SAE1: variants seen among roughly 807,000 people sequenced by gnomAD.
The protein encoded by SAE1 is SUMO1 activating enzyme subunit 1, also known as SUMO-activating enzyme subunit 1.
In SAE1, 11 loss-of-function variants were observed where a neutral mutation model predicts 40.6. The observed-to-expected ratio is 0.27, with a 90% CI of 0.17 to 0.45. The LOEUF (loss-of-function observed/expected upper bound fraction) is 0.45, where lower values mean the gene tolerates loss of function less well. Ranked by LOEUF, SAE1 falls within the 20% of genes least tolerant of loss-of-function variation. The probability of loss-of-function intolerance (pLI) is 1.00; values close to 1 mark genes in which losing one functional copy is unlikely to be tolerated. For synonymous variants in SAE1, 155 were observed against 154.3 expected (o/e 1.00, Z -0.03); for missense variants, 373 against 427.3 (o/e 0.87, Z 1.12).
Position 47,170,022 on chromosome 19 carries a change from G to C in SAE1, c.733+99G>C. On this transcript the variant is annotated intron_variant, in intron 6 of 8. Transcript: ENST00000270225. ...AGATGGTTTTGTGATGTTTGCCTTG[G>C]GTGGCATTCTTCATTGGCTAGTTCT... 1.1e-5 allele frequency: 10 copies of C among 875,382 alleles called. No homozygotes were observed. In the South Asian group the frequency reaches 1.4e-4, roughly 12 times the overall value. The allele number at this position is 875,382 out of a possible 1,614,324, so 54.2% of individuals were successfully genotyped here.
chr19:47,173,272 G>A (rs544642935), intron 6 of SAE1, among the ~76,000 whole-genome samples: 1 of 151,908 alleles, frequency 6.6e-6, no homozygotes. Context: ...GCTGGGATTA[G>A]AGGCGTGAGC....
chr19:47,183,112 C>T (rs534321651), intron 6 of SAE1, among the ~76,000 whole-genome samples: 79 of 152,224 alleles, frequency 5.2e-4, no homozygotes, highest in African/African-American at 1.8e-3. Context: ...GATGGGCTTT[C>T]ACCATGTTGG....
At chr19:47,197,670 T>TA (rs1252699242) in intron 7 of SAE1, among the ~76,000 whole-genome samples, 4 of 152,216 alleles carry the variant, frequency 2.6e-5, no homozygotes, top group Admixed American at 2.6e-4. Context: ...GTGATCTTGT[T>TA]ATCTCTTGGG....
At chr19:47,131,568 T>G (rs1419995294) in intron 1 of SAE1, among the ~76,000 whole-genome samples, 3 of 151,752 alleles carry the variant, frequency 2.0e-5, no homozygotes, top group Non-Finnish European at 2.9e-5. Flanking sequence ...ATGGGAATCT[T>G]GAGAGGCTCG....
At chr19:47,185,544 A>G (rs572984618) in intron 6 of SAE1, among the ~76,000 whole-genome samples, 1 of 152,012 alleles carries the variant, frequency 6.6e-6, no homozygotes, top group African/African-American at 2.4e-5. Context: ...GACCTCAAGT[A>G]ATCCTCCCAC....
chr19:47,156,650 C>G (rs1449270012), intron 5 of SAE1, among the ~76,000 whole-genome samples: 1 of 152,074 alleles, frequency 6.6e-6, no homozygotes, highest in Non-Finnish European at 1.5e-5. Flanking sequence ...TCCCAAGTAG[C>G]TGGGACTACA....
At chr19:47,167,883 T>C (rs910079884) in intron 5 of SAE1, among the ~76,000 whole-genome samples, 1 of 152,158 alleles carries the variant, frequency 6.6e-6, no homozygotes, top group African/African-American at 2.4e-5. Flanking sequence ...TTCTTAAGGG[T>C]AGCTAGTTCT....
chr19:47,197,020 A>C (rs1464241885), intron 6 of SAE1, among the ~76,000 whole-genome samples: 1 of 151,974 alleles, frequency 6.6e-6, no homozygotes, highest in Admixed American at 6.6e-5. Flanking sequence ...GTCTCTACTA[A>C]ATATACAAAA....
At chr19:47,135,595 C>A (rs2058173779) in intron 1 of SAE1, 1 of 152,066 alleles carries the variant, frequency 6.6e-6, no homozygotes. Flanking sequence ...GCCTTGACTT[C>A]TTGGGCTCAG....
intron 8 of SAE1, among the ~76,000 whole-genome samples, chr19:47,206,350 C>G (rs1291708010): frequency 1.3e-5 from 2 of 152,226 alleles, no homozygotes; most frequent in East Asian, 1.9e-4. Context: ...AGCCTTCAGC[C>G]AGCTGGCAGG....
chr19:47,198,577 T>G (rs756247133), intron 7 of SAE1, among the ~76,000 whole-genome samples: 3 of 152,170 alleles, frequency 2.0e-5, no homozygotes, highest in Non-Finnish European at 4.4e-5. Context: ...CATCAGGTAG[T>G]AAGTAGCCAA....
At chr19:47,169,732 A>G (rs1476548443) in intron 5 of SAE1, 86 bp from the exon 6 acceptor site, 4 of 877,256 alleles carry the variant, frequency 4.6e-6, no homozygotes, top group Non-Finnish European at 5.7e-6. Context: ...AAATAATGAG[A>G]TTTTTCTGCA....
intron 5 of SAE1, among the ~76,000 whole-genome samples, chr19:47,166,414 T>G (rs2058392673): frequency 6.6e-6 from 1 of 152,182 alleles, no homozygotes; most frequent in Non-Finnish European, 1.5e-5. Flanking sequence ...TACAATATAC[T>G]TCATTTAATA....
At chr19:47,168,851 G>A (rs1274795534) in intron 5 of SAE1, among the ~76,000 whole-genome samples, 3 of 152,012 alleles carry the variant, frequency 2.0e-5, no homozygotes, top group Non-Finnish European at 2.9e-5. Flanking sequence ...CGATCCACCC[G>A]CCTCGGCCTC....
Position 47,130,844 on chromosome 19 carries a change from G to T in SAE1, c.-87G>T. 3 of 1,540,240 alleles carry T rather than the reference G, an allele frequency of 1.9e-6. No individual in the cohort carries two copies. The highest frequency in any genetic ancestry group is 2.6e-6 in the Non-Finnish European group (3 of 1,142,914). ...GCGCATGCGCAGAAGCACTCCGGGC[G>T]TGCTGCCGGCGGCGGTAGGTGGCGC... On this transcript the variant is annotated 5_prime_UTR_variant, in exon 1 of 9. Transcript: ENST00000270225.
At chr19:47,140,471 C>T (rs1482795667) in intron 1 of SAE1, among the ~76,000 whole-genome samples, 5 of 151,864 alleles carry the variant, frequency 3.3e-5, no homozygotes, top group South Asian at 2.1e-4. Flanking sequence ...AGGCTGGTCT[C>T]GAACTCCTGA....
intron 5 of SAE1, among the ~76,000 whole-genome samples, chr19:47,168,128 G>A (rs984528755): frequency 6.6e-6 from 1 of 152,156 alleles, no homozygotes; most frequent in Non-Finnish European, 1.5e-5. Context: ...AGGACACGGA[G>A]GTTGCAGCGA....
At chr19:47,201,254 G>T (rs995474858) in intron 7 of SAE1, among the ~76,000 whole-genome samples, 1 of 150,014 alleles carries the variant, frequency 6.7e-6, no homozygotes, top group African/African-American at 2.5e-5. Context: ...TCACCATATT[G>T]GCCAGACTGA....
chr19:47,135,597 T>G (rs1348799424), intron 1 of SAE1: 1 of 152,070 alleles, frequency 6.6e-6, no homozygotes, highest in Non-Finnish European at 1.5e-5. Context: ...CTTGACTTCT[T>G]GGGCTCAGGT....
Sources: gnomAD v4.1 joint callset for allele counts (sites outside exome capture counted in the v4.1 genomes callset) on GRCh38, gnomAD v4.1.1 for gene constraint, MANE v1.5 for transcripts, NCBI Gene and HGNC (gene_info 2026-07-23, HGNC 2026-07-21) for gene names.